GARNL3: variants seen among roughly 807,000 people sequenced by gnomAD.
The protein encoded by GARNL3 is GTPase activating Rap/RanGAP domain like 3.
GARNL3 carries 63 observed loss-of-function variants against 125.0 expected under a neutral mutation model. The observed-to-expected ratio is 0.50, with a 90% CI of 0.41 to 0.62. The LOEUF (loss-of-function observed/expected upper bound fraction) is 0.62. Ranked by LOEUF, GARNL3 falls within the 20% of genes least tolerant of loss-of-function variation. The pLI, the probability that GARNL3 is intolerant of heterozygous loss-of-function variation, is 0.00. For synonymous variants in GARNL3, 439 were observed against 457.5 expected, an observed-to-expected ratio of 0.96 and a Z score of 0.52; for missense variants, 994 against 1,244.0, an observed-to-expected ratio of 0.80 and a Z score of 3.02.
intron 1 of GARNL3, among the ~76,000 whole-genome samples, chr9:127,287,392 G>A (rs1048180269): frequency 4.6e-5 from 7 of 152,188 alleles, no homozygotes; most frequent in African/African-American, 1.7e-4. Flanking sequence ...CAGATCAAAG[G>A]TTTGTGAGGA....
At position 127,389,118 on chromosome 9, in the gene GARNL3, G is replaced by A; in HGVS notation, c.2742G>A (p.Leu914=). 1 of 1,609,894 alleles carries A rather than the reference G, an allele frequency of 6.2e-7. No individual in the cohort carries two copies. Among genetic ancestry groups the A allele is most frequent in the Non-Finnish European group, 8.5e-7 (1 of 1,176,246 alleles). The change falls in exon 26 of 28, where the codon CTG becomes CTA. Residue 914 remains leucine, a splice_region_variant and synonymous_variant. Coordinates refer to ENST00000373387, the MANE Select transcript of GARNL3 (RefSeq NM_032293.5). The part of the protein sequence containing the change: ...EIASRTRREL[L]GLSDEGGPKS... Reference sequence around the variant, plus strand: ...CAAGCAGGACCCGCAGGGAACTACTGGGTAATGGTTCTCAATCCTGGTTTC... The same window carrying A: ...CAAGCAGGACCCGCAGGGAACTACTAGGTAATGGTTCTCAATCCTGGTTTC...
intron 5 of GARNL3, among the ~76,000 whole-genome samples, chr9:127,320,514 C>T (rs1162100874): frequency 6.6e-6 from 1 of 152,210 alleles, no homozygotes; most frequent in African/African-American, 2.4e-5. Flanking sequence ...CTCTCCCTCT[C>T]TTATGAGTAT....
intron 4 of GARNL3, among the ~76,000 whole-genome samples, chr9:127,314,699 G>T (rs1389328701): frequency 6.6e-6 from 1 of 152,206 alleles, no homozygotes; most frequent in Non-Finnish European, 1.5e-5. Context: ...TGCCATGTAT[G>T]AGGAGAGACA....
chr9:127,263,850 T>C, upstream of GARNL3: 1 of 1,329,372 alleles, frequency 7.5e-7, no homozygotes, highest in Non-Finnish European at 9.6e-7. Context: ...CTCATTTCTC[T>C]CATGCTGTCT....
intron 7 of GARNL3, among the ~76,000 whole-genome samples, chr9:127,331,489 T>A (rs1167152209): frequency 1.3e-5 from 2 of 148,606 alleles, no homozygotes; most frequent in Non-Finnish European, 3.0e-5. Context: ...TAAGACTCTG[T>A]CTCAAAAAAA....
rs925600519 is a variant in GARNL3 at position 127,281,161 on chromosome 9, T to C, written c.145-10007T>C. Among the ~76,000 whole-genome samples, 3 of 152,092 alleles carry C rather than the reference T, an allele frequency of 2.0e-5. No individual in the cohort carries two copies. The South Asian group carries it at 6.2e-4, about 32-fold the overall frequency. ...ACCACAGATCCCCAGATAGAACCCATGCCAAAAAGAGCCCGAGTGGGTTAT... is the reference window on the plus strand; with the variant it reads ...ACCACAGATCCCCAGATAGAACCCACGCCAAAAAGAGCCCGAGTGGGTTAT... On this transcript the variant is annotated intron_variant, in intron 1 of 27. Coordinates refer to ENST00000373387, the MANE Select transcript of GARNL3 (RefSeq NM_032293.5).
intron 21 of GARNL3, among the ~76,000 whole-genome samples, chr9:127,359,204 T>G (rs1003544313): frequency 2.0e-5 from 3 of 151,050 alleles, no homozygotes; most frequent in African/African-American, 7.3e-5. Context: ...GTTCTCACCC[T>G]CTTGGCCGGG....
At chr9:127,316,488 G>A (rs886532710) in intron 4 of GARNL3, among the ~76,000 whole-genome samples, 3 of 152,214 alleles carry the variant, frequency 2.0e-5, no homozygotes, top group African/African-American at 7.2e-5. Flanking sequence ...TCTTAGACAG[G>A]GAATGCAGTG....
chr9:127,389,175 C>A, intron 26 of GARNL3, 56 bp downstream of exon 26: 3 of 1,268,692 alleles, frequency 2.4e-6, no homozygotes, highest in East Asian at 2.3e-5. Context: ...CTGGTTTTAT[C>A]TTTGGATATG....
At chr9:127,355,528 C>G in intron 20 of GARNL3, 56 bp downstream of exon 20, 4 of 1,534,904 alleles carry the variant, frequency 2.6e-6, no homozygotes, top group Non-Finnish European at 9.0e-7. Context: ...GAAGCAGACT[C>G]TGTCCTTCCA....
At chr9:127,302,322 T>G (rs1261932709) in intron 2 of GARNL3, among the ~76,000 whole-genome samples, 1 of 152,170 alleles carries the variant, frequency 6.6e-6, no homozygotes. Flanking sequence ...ATTAAAAATG[T>G]GTATACCATT....
At chr9:127,315,998 T>C (rs2065231013) in intron 4 of GARNL3, among the ~76,000 whole-genome samples, 1 of 152,226 alleles carries the variant, frequency 6.6e-6, no homozygotes, top group Admixed American at 6.5e-5. Flanking sequence ...TGACTCTACC[T>C]GTGCATTTGA....
Position 127,333,071 on chromosome 9 carries a change from C to A in GARNL3, c.719C>A (p.Thr240Lys). 6.2e-7 allele frequency: 1 copy of A among 1,614,120 alleles called. No homozygotes were observed. Residue 240 changes from threonine to lysine, a missense_variant, in exon 9 of 28, where the codon ACA becomes AAA. By Grantham distance (78) the Thr-to-Lys change is moderately conservative. This residue lies in a region of GARNL3 where 71 missense variants were observed against 66.2 expected (regional missense o/e 1.07). Coordinates refer to ENST00000373387, the MANE Select transcript of GARNL3 (RefSeq NM_032293.5). ...AAATTTTTAAATCTTCTGGGTGACA[C>A]AATCACTCTAAAGGGCTGGACGGGC... ...FQKFLNLLGD[T>K]ITLKGWTGYR...
intron 11 of GARNL3, 88 bp from the exon 12 acceptor site, chr9:127,338,028 G>C (rs1829647498): frequency 1.0e-6 from 1 of 987,742 alleles, no homozygotes; most frequent in East Asian, 2.4e-5. Context: ...CGCTGGTCGA[G>C]AATGACTCTG....
intron 7 of GARNL3, among the ~76,000 whole-genome samples, chr9:127,326,739 T>C (rs916262022): frequency 2.0e-5 from 3 of 152,152 alleles, no homozygotes; most frequent in Admixed American, 1.3e-4. Flanking sequence ...AGGTGGGGCC[T>C]TGGGAAGTAA....
chr9:127,380,572 G>A (rs558350210), intron 22 of GARNL3, among the ~76,000 whole-genome samples: 3 of 152,296 alleles, frequency 2.0e-5, no homozygotes, highest in East Asian at 1.9e-4. Context: ...TCAACAAAAT[G>A]TAGGCTATTC....
intron 4 of GARNL3, among the ~76,000 whole-genome samples, chr9:127,314,529 T>C (rs2065181861): frequency 6.6e-6 from 1 of 151,810 alleles, no homozygotes. Flanking sequence ...CACCCCTTCC[T>C]TCCTCCCTCC....
At chr9:127,361,912 A>AAG (rs1384652115) in intron 21 of GARNL3, 2 of 151,754 alleles carry the variant, frequency 1.3e-5, no homozygotes, top group East Asian at 3.9e-4. Context: ...CTTATCTCTA[A>AAG]ACTAAAAGCC....
At chr9:127,316,724 C>T (rs529655610) in intron 4 of GARNL3, among the ~76,000 whole-genome samples, 3 of 152,306 alleles carry the variant, frequency 2.0e-5, no homozygotes, top group Admixed American at 1.3e-4. Flanking sequence ...TCATCCTCAG[C>T]TCCAAAGACA....
Sources: gnomAD v4.1 joint callset for allele counts (sites outside exome capture counted in the v4.1 genomes callset) on GRCh38, gnomAD v4.1.1 for gene constraint, gnomAD v4.1.1 regional missense constraint, MANE v1.5 for transcripts, NCBI Gene and HGNC (gene_info 2026-07-23, HGNC 2026-07-21) for gene names.